Variants in COL25A1 observed in about 807,000 individuals in gnomAD.
COL25A1 encodes the protein collagen type XXV alpha 1 chain.
COL25A1 carries 103 observed loss-of-function variants against 128.4 expected under a neutral mutation model. The ratio of observed to expected loss-of-function variants is 0.80; its 90% confidence interval spans 0.68 to 0.94. The LOEUF (loss-of-function observed/expected upper bound fraction) is 0.94, where lower values mean the gene tolerates loss of function less well. COL25A1 is among the 40% of genes least tolerant of loss of function. COL25A1 has a pLI of 0.00. For synonymous variants in COL25A1, 279 were observed against 277.2 expected (o/e 1.01, Z -0.06); for missense variants, 745 against 840.0 (o/e 0.89, Z 1.40).
intron 13 of COL25A1, among the ~76,000 whole-genome samples, chr4:108,907,743 A>T (rs191140803): frequency 6.6e-6 from 1 of 152,340 alleles, no homozygotes; most frequent in East Asian, 1.9e-4. Context: ...TGTGTCTAAA[A>T]ATCTCATTCA....
At chr4:109,114,037 T>C (rs928830896) in intron 3 of COL25A1, among the ~76,000 whole-genome samples, 5 of 152,072 alleles carry the variant, frequency 3.3e-5, no homozygotes, top group African/African-American at 9.7e-5. Flanking sequence ...CCAATGTCCA[T>C]TATCATCAAA....
chr4:109,190,539 G>T (rs563327705), intron 3 of COL25A1, among the ~76,000 whole-genome samples: 2 of 152,290 alleles, frequency 1.3e-5, no homozygotes, highest in African/African-American at 2.4e-5. Flanking sequence ...TGCAACTTTG[G>T]CAGGAGCAGG....
At chr4:109,121,581 T>C (rs1350415948) in intron 3 of COL25A1, among the ~76,000 whole-genome samples, 1 of 152,102 alleles carries the variant, frequency 6.6e-6, no homozygotes, top group East Asian at 1.9e-4. Flanking sequence ...GATATTACTA[T>C]ACACCTATTA....
At chr4:109,203,703 G>A (rs955365463) in intron 3 of COL25A1, among the ~76,000 whole-genome samples, 1 of 150,746 alleles carries the variant, frequency 6.6e-6, no homozygotes, top group Non-Finnish European at 1.5e-5. Context: ...AATAGTAAAG[G>A]GTGCATAGAA....
intron 3 of COL25A1, among the ~76,000 whole-genome samples, chr4:109,067,625 T>A (rs1762567983): frequency 6.6e-6 from 1 of 152,196 alleles, no homozygotes; most frequent in Non-Finnish European, 1.5e-5. Context: ...ATATTCTCCA[T>A]CTCCTGGTGA....
intron 3 of COL25A1, among the ~76,000 whole-genome samples, chr4:109,263,130 AAAC>A (rs5860976): frequency 0.43 from 65,687 of 151,060 alleles, 15,857 homozygotes; most frequent in African/African-American, 0.63. Flanking sequence ...CTCTGTCTCA[AAAC>A]AACAACAACA....
At chr4:108,942,384 G>A in intron 8 of COL25A1, 2 of 903,626 alleles carry the variant, frequency 2.2e-6, no homozygotes, top group Non-Finnish European at 3.5e-6. Context: ...GGACTTAGAA[G>A]TCTTGCCTCA....
chr4:108,931,704 C>T (rs551991739), intron 11 of COL25A1, among the ~76,000 whole-genome samples: 1 of 152,180 alleles, frequency 6.6e-6, no homozygotes, highest in Non-Finnish European at 1.5e-5. Flanking sequence ...GGAGACACAG[C>T]TCCACTGTGT....
chr4:108,982,067 G>A lies in COL25A1; in HGVS notation c.439-7508C>T, dbSNP rs150418966. On this transcript the variant is annotated intron_variant, in intron 6 of 37. Transcript: ENST00000399132. ...AAATTAGCCAGGCGTGGTGGCATGC[G>A]CCTGTAATCCCAGCTACTCAGGAGG... Among the ~76,000 whole-genome samples, 445 of 152,160 alleles carry A rather than the reference G, an allele frequency of 2.9e-3. 5 individuals carry two copies. Among genetic ancestry groups the A allele is most frequent in the Non-Finnish European group, 4.9e-3 (333 of 68,026 alleles).
At chr4:108,853,600 G>A (rs1245309162) in intron 24 of COL25A1, among the ~76,000 whole-genome samples, 4 of 151,952 alleles carry the variant, frequency 2.6e-5, no homozygotes, top group Admixed American at 2.6e-4. Context: ...ATGTGCCATC[G>A]TGGTTTGCTG....
intron 6 of COL25A1, among the ~76,000 whole-genome samples, chr4:109,003,401 G>A (rs536818845): frequency 2.0e-5 from 3 of 152,250 alleles, no homozygotes; most frequent in South Asian, 2.1e-4. Flanking sequence ...TACTTGTTGA[G>A]TAGTTAATTG....
intron 8 of COL25A1, among the ~76,000 whole-genome samples, chr4:108,960,722 G>A (rs1422368289): frequency 6.6e-6 from 1 of 152,112 alleles, no homozygotes; most frequent in Non-Finnish European, 1.5e-5. Context: ...TCTAAGAAAA[G>A]TCATCTGTCT....
At chr4:108,987,343 T>C (rs1296482018) in intron 6 of COL25A1, among the ~76,000 whole-genome samples, 2 of 151,980 alleles carry the variant, frequency 1.3e-5, no homozygotes, top group East Asian at 3.9e-4. Context: ...TCATTTTGCT[T>C]GGAATAGTTA....
chr4:108,853,883 A>G (rs766169738), intron 24 of COL25A1, among the ~76,000 whole-genome samples: 10 of 152,166 alleles, frequency 6.6e-5, no homozygotes, highest in Non-Finnish European at 1.3e-4. Context: ...TCCGTGGTGT[A>G]TATGTACCAC....
At chr4:108,989,267 G>A (rs561395481) in intron 6 of COL25A1, among the ~76,000 whole-genome samples, 1 of 152,340 alleles carries the variant, frequency 6.6e-6, no homozygotes, top group South Asian at 2.1e-4. Context: ...TGGCTGAGCT[G>A]CTTTGTGCAG....
intron 3 of COL25A1, among the ~76,000 whole-genome samples, chr4:109,065,545 CGTGTGTGTGT>C (rs70949065): frequency 5.7e-4 from 81 of 141,188 alleles, no homozygotes; most frequent in Middle Eastern, 3.6e-3. Context: ...CGCGCGCGCG[CGTGTGTGTGT>C]GTGTGTGTGT....
At chr4:109,170,603 C>T (rs976187528) in intron 3 of COL25A1, among the ~76,000 whole-genome samples, 25 of 152,118 alleles carry the variant, frequency 1.6e-4, no homozygotes, top group African/African-American at 4.1e-4. Context: ...TGCCCCCAAA[C>T]GCGTGGATGG....
chr4:109,115,109 T>C (rs1767410047), intron 3 of COL25A1, among the ~76,000 whole-genome samples: 2 of 152,026 alleles, frequency 1.3e-5, no homozygotes, highest in South Asian at 4.1e-4. Flanking sequence ...AATTCACATA[T>C]TGAATAAGAG....
chr4:109,209,091 T>G (rs915938222), intron 3 of COL25A1, among the ~76,000 whole-genome samples: 1 of 152,212 alleles, frequency 6.6e-6, no homozygotes, highest in East Asian at 1.9e-4. Context: ...CCACTAGATA[T>G]ACTGGTAAAG....
Sources: gnomAD v4.1 joint callset for allele counts (sites outside exome capture counted in the v4.1 genomes callset) on GRCh38, gnomAD v4.1.1 for gene constraint, MANE v1.5 for transcripts, NCBI Gene and HGNC (gene_info 2026-07-23, HGNC 2026-07-21) for gene names.